Variants in EPB41L5 observed in about 807,000 individuals in gnomAD.
EPB41L5 encodes the protein band 4.1-like protein 5.
EPB41L5 carries 55 observed loss-of-function variants against 106.6 expected under a neutral mutation model. The observed-to-expected ratio is 0.52, with a 90% CI of 0.42 to 0.65. The LOEUF (loss-of-function observed/expected upper bound fraction) is 0.65, where lower values mean the gene tolerates loss of function less well. Among genes scored for constraint, EPB41L5 ranks in the 30% least tolerant of loss-of-function variants. The probability of loss-of-function intolerance (pLI) is 0.00; values close to 1 mark genes in which losing one functional copy is unlikely to be tolerated. For missense variants in EPB41L5, 871 were observed against 882.1 expected, an observed-to-expected ratio of 0.99 and a Z score of 0.16; for synonymous variants, 297 against 306.7, an observed-to-expected ratio of 0.97 and a Z score of 0.33.
At chr2:120,063,308 C>T (rs993925195) in intron 3 of EPB41L5, among the ~76,000 whole-genome samples, 10 of 147,774 alleles carry the variant, frequency 6.8e-5, no homozygotes, top group Admixed American at 1.4e-4. Context: ...CACCACTGCG[C>T]TCTAGCCTGG....
At chr2:120,093,988 G>A (rs1046915932) in intron 14 of EPB41L5, among the ~76,000 whole-genome samples, 2 of 151,970 alleles carry the variant, frequency 1.3e-5, no homozygotes, top group African/African-American at 4.8e-5. Flanking sequence ...TTGTTGGGGT[G>A]GGGGTAGGGG....
At position 120,059,810 on chromosome 2, in the gene EPB41L5, G is replaced by A. The variant is rs554197718; in HGVS notation, c.286-13368G>A. On this transcript the variant is annotated intron_variant, in intron 3 of 24. Coordinates refer to ENST00000263713, the MANE Select transcript of EPB41L5 (RefSeq NM_020909.4). ...GGGCAGGAGGATTGCTTAAGCCTGG[G>A]AGGTGGAGGCTGCTGTGAGTGTGAC... Among the ~76,000 whole-genome samples the A allele has an allele frequency of 3.9e-5, 6 of 152,320 alleles. No individual in the cohort carries two copies. In the South Asian group the frequency reaches 1.0e-3, roughly 26 times the overall value.
intron 20 of EPB41L5, among the ~76,000 whole-genome samples, chr2:120,154,419 C>A (rs1327589206): frequency 1.3e-5 from 2 of 151,834 alleles, no homozygotes; most frequent in Non-Finnish European, 1.5e-5. Flanking sequence ...CCCGCCTCAG[C>A]CTCCCAAAGT....
At chr2:120,097,461 C>T (rs1252853439) in intron 14 of EPB41L5, among the ~76,000 whole-genome samples, 1 of 152,134 alleles carries the variant, frequency 6.6e-6, no homozygotes, top group Non-Finnish European at 1.5e-5. Context: ...GTAAAATGCC[C>T]ATTTGAATAA....
intron 2 of EPB41L5, among the ~76,000 whole-genome samples, chr2:120,023,434 T>C (rs1678080867): frequency 6.6e-6 from 1 of 152,216 alleles, no homozygotes; most frequent in Admixed American, 6.5e-5. Flanking sequence ...ATTTATTAAA[T>C]AGGGAATCGT....
At chr2:120,083,382 C>A (rs1018199942) in intron 10 of EPB41L5, among the ~76,000 whole-genome samples, 5 of 152,134 alleles carry the variant, frequency 3.3e-5, no homozygotes, top group Non-Finnish European at 7.3e-5. Context: ...CATTCAGGAG[C>A]AAGTTGTTCA....
chr2:120,018,210 A>T (rs1280020630), intron 1 of EPB41L5, among the ~76,000 whole-genome samples: 6 of 151,596 alleles, frequency 4.0e-5, no homozygotes, highest in Non-Finnish European at 5.9e-5. Flanking sequence ...CTCGTGATCC[A>T]CCTGCCTTGG....
rs899417885 is a variant in EPB41L5, at chr2:120,178,603, C to A, written c.*3696C>A. 1 of 152,218 alleles carries A rather than the reference C, an allele frequency of 6.6e-6. No individual in the cohort carries two copies. The highest frequency in any genetic ancestry group is 1.5e-5 in the Non-Finnish European group (1 of 68,040). 9.4% of individuals were successfully genotyped at this position (152,218 alleles called of 1,614,324 possible). ...TCCTCTCAAAAATTTAAACACTGTA[C>A]CTCTTCAGTGGTCAGAAGAAAGTTG... On this transcript the variant is annotated 3_prime_UTR_variant, in exon 25 of 25. Coordinates refer to ENST00000263713, the MANE Select transcript of EPB41L5 (RefSeq NM_020909.4).
At chr2:120,051,471 T>C (rs1281482937) in intron 3 of EPB41L5, among the ~76,000 whole-genome samples, 1 of 152,174 alleles carries the variant, frequency 6.6e-6, no homozygotes, top group Non-Finnish European at 1.5e-5. Flanking sequence ...AGGATATAAT[T>C]TCCTGGTGTG....
At chr2:120,122,800 AT>A (rs1220531970) in intron 16 of EPB41L5, among the ~76,000 whole-genome samples, 7 of 152,284 alleles carry the variant, frequency 4.6e-5, no homozygotes, top group African/African-American at 1.7e-4. Flanking sequence ...GATTCTTCCT[AT>A]CCATGAGCAT....
chr2:120,054,960 G>A (rs1035221112), intron 3 of EPB41L5, among the ~76,000 whole-genome samples: 4 of 149,240 alleles, frequency 2.7e-5, no homozygotes, highest in Non-Finnish European at 4.4e-5. Context: ...TCTGCCTCCC[G>A]GGTCCAAGTG....
At chr2:120,117,652 C>G (rs6760143) in intron 16 of EPB41L5, among the ~76,000 whole-genome samples, 96,695 of 151,874 alleles carry the variant, frequency 0.64, 32,119 homozygotes, top group Middle Eastern at 0.74. Flanking sequence ...AGAGCTTTAT[C>G]GAGGTACACT....
chr2:120,139,591 T>A (rs973989426), intron 18 of EPB41L5, among the ~76,000 whole-genome samples: 13 of 152,052 alleles, frequency 8.5e-5, no homozygotes, highest in Non-Finnish European at 1.9e-4. Flanking sequence ...TCAACATCAC[T>A]GATCATCAGA....
intron 14 of EPB41L5, among the ~76,000 whole-genome samples, chr2:120,094,444 T>G (rs1319659539): frequency 9.3e-5 from 14 of 150,068 alleles, no homozygotes; most frequent in Non-Finnish European, 8.9e-5. Context: ...TCCTCCTTCC[T>G]TTCTGATTTT....
chr2:120,174,460 G>A (rs1487950712), intron 24 of EPB41L5, among the ~76,000 whole-genome samples: 1 of 101,472 alleles, frequency 9.9e-6, no homozygotes, highest in Non-Finnish European at 2.4e-5. Flanking sequence ...GCAAGACCCC[G>A]TCTCACAGAA....
intron 18 of EPB41L5, among the ~76,000 whole-genome samples, chr2:120,140,324 GATAA>G (rs975233930): frequency 6.6e-6 from 1 of 151,930 alleles, no homozygotes; most frequent in Non-Finnish European, 1.5e-5. Context: ...CACAAGAAAT[GATAA>G]ATGTTTGAGG....
At chr2:120,132,055 T>C (rs1212772507) in intron 18 of EPB41L5, among the ~76,000 whole-genome samples, 1 of 152,194 alleles carries the variant, frequency 6.6e-6, no homozygotes, top group African/African-American at 2.4e-5. Flanking sequence ...TAAAGAGAGC[T>C]GCTCTGTGGT....
rs1316940037 is a variant in EPB41L5 at position 120,178,139 on chromosome 2, AG to A, written c.*3233del. The A allele has an allele frequency of 6.6e-6, 1 of 152,568 alleles. No individual in the cohort carries two copies. The highest frequency in any genetic ancestry group is 1.9e-4 in the East Asian group (1 of 5,200). The allele number at this position is 152,568 out of a possible 1,614,324, so 9.5% of individuals were successfully genotyped here. On this transcript the variant is annotated 3_prime_UTR_variant, in exon 25 of 25. Transcript: ENST00000263713. ...TCTGCTGGCGCAGTACAGCAGCAGC[AG>A]CCCCAGCACAGCTGTGTTCCTGCGG...
At chr2:120,071,051 T>G (rs547173059) in intron 3 of EPB41L5, among the ~76,000 whole-genome samples, 3 of 152,164 alleles carry the variant, frequency 2.0e-5, no homozygotes, top group Non-Finnish European at 4.4e-5. Flanking sequence ...TCAGATTGCC[T>G]CTGTTTGCAG....
Sources: allele counts gnomAD v4.1 joint callset (sites outside exome capture counted in the v4.1 genomes callset), GRCh38; gene constraint gnomAD v4.1.1; transcripts MANE v1.5; gene names NCBI Gene and HGNC (gene_info 2026-07-23, HGNC 2026-07-21).